Variants in SERINC5 observed in about 807,000 individuals in gnomAD.
SERINC5 encodes the protein serine incorporator 5.
In SERINC5, 41 loss-of-function variants were observed where a neutral mutation model predicts 63.1. The observed-to-expected ratio is 0.65, with a 90% CI of 0.51 to 0.84. The LOEUF is 0.84. Among genes scored for constraint, SERINC5 ranks in the 40% least tolerant of loss-of-function variants. The pLI is 0.00. For synonymous variants in SERINC5, 222 were observed against 215.2 expected (o/e 1.03, Z -0.28); for missense variants, 523 against 573.0 (o/e 0.91, Z 0.89).
chr5:80,153,099 A>C (rs1166972484), intron 8 of SERINC5, among the ~76,000 whole-genome samples: 1 of 152,186 alleles, frequency 6.6e-6, no homozygotes, highest in Non-Finnish European at 1.5e-5. Flanking sequence ...TTTTAAAAAG[A>C]ACTACATTCA....
chr5:80,228,384 G>A (rs1206209601), intron 1 of SERINC5, among the ~76,000 whole-genome samples: 2 of 152,056 alleles, frequency 1.3e-5, no homozygotes, highest in African/African-American at 2.4e-5. Flanking sequence ...ACTGAGTTTG[G>A]CACTTGTAGT....
intron 9 of SERINC5, among the ~76,000 whole-genome samples, chr5:80,149,937 A>G (rs1489817702): frequency 6.6e-6 from 1 of 152,196 alleles, no homozygotes; most frequent in Non-Finnish European, 1.5e-5. Context: ...ACTCTTGCAC[A>G]ATTAAGAAAA....
chr5:80,141,805 A>C lies in SERINC5; in HGVS notation c.*1858T>G, dbSNP rs1004516212. 4 of 985,340 alleles carry C rather than the reference A, an allele frequency of 4.1e-6. No homozygotes were observed. The highest frequency in any genetic ancestry group is 1.2e-4 in the Admixed American group (2 of 16,270). 61.0% of individuals were successfully genotyped at this position (985,340 alleles called of 1,614,324 possible). A position where few individuals can be genotyped will look rare whatever the true frequency, so the allele number is the denominator to read the frequency against. On this transcript the variant is annotated 3_prime_UTR_variant, in exon 12 of 12. Coordinates refer to ENST00000507668, the MANE Select transcript of SERINC5 (RefSeq NM_001174072.3). ...TACAGAGCTCCTGCCCTAAAAAAGG[A>C]AATTTAATGGAATTTACAAAACAAG...
At chr5:80,171,974 T>G (rs900911573) in intron 5 of SERINC5, among the ~76,000 whole-genome samples, 1 of 152,120 alleles carries the variant, frequency 6.6e-6, no homozygotes, top group African/African-American at 2.4e-5. Flanking sequence ...TTGATTACTA[T>G]ATAACATATA....
At chr5:80,217,979 A>G (rs994401281) in intron 1 of SERINC5, among the ~76,000 whole-genome samples, 18 of 152,214 alleles carry the variant, frequency 1.2e-4, no homozygotes, top group African/African-American at 4.1e-4. Context: ...GGAAGGAGCT[A>G]GTAACTCATC....
intron 3 of SERINC5, 26 bp downstream of exon 3, chr5:80,177,860 A>G (rs1175452646): frequency 1.3e-6 from 2 of 1,569,892 alleles, no homozygotes; most frequent in African/African-American, 2.7e-5. Context: ...GGAGAAAGCA[A>G]TCCCCAAGAA....
rs923098240 is a variant in SERINC5 at position 80,142,950 on chromosome 5, A to G, written c.*713T>C. 3 of 985,280 alleles carry G rather than the reference A, an allele frequency of 3.0e-6. No individual in the cohort carries two copies. The African/African-American group carries it at 5.2e-5, about 17-fold the overall frequency. The allele number at this position is 985,280 out of a possible 1,614,324, so 61.0% of individuals were successfully genotyped here. A position where few individuals can be genotyped will look rare whatever the true frequency, so the allele number is the denominator to read the frequency against. On this transcript the variant is annotated 3_prime_UTR_variant, in exon 12 of 12. Transcript: ENST00000507668. ...TCAGGTAGTGATAATAAGGTGGGGA[A>G]CCACCTGGGGGGTGATCAGACAAAT...
intron 1 of SERINC5, among the ~76,000 whole-genome samples, chr5:80,221,420 T>C (rs977962560): frequency 6.6e-6 from 1 of 152,244 alleles, no homozygotes; most frequent in East Asian, 1.9e-4. Context: ...ACGACTTCAA[T>C]ATAACAGATA....
chr5:80,183,773 G>A (rs955068000), intron 2 of SERINC5, among the ~76,000 whole-genome samples: 4 of 151,044 alleles, frequency 2.6e-5, no homozygotes, highest in Non-Finnish European at 5.9e-5. Context: ...CCTATAAAAC[G>A]GCCCCACCCC....
downstream of SERINC5, chr5:80,138,675 A>G: frequency 7.4e-6 from 2 of 271,592 alleles, no homozygotes; most frequent in Non-Finnish European, 1.1e-5. Flanking sequence ...TGCATATGCT[A>G]ATTAGCATGA....
chr5:80,232,100 T>A (rs1463229885), intron 1 of SERINC5, among the ~76,000 whole-genome samples: 1 of 78,148 alleles, frequency 1.3e-5, no homozygotes, highest in East Asian at 3.0e-4. Context: ...AGATTCTGTC[T>A]TAAAAAAAAA....
intron 1 of SERINC5, among the ~76,000 whole-genome samples, chr5:80,207,404 C>T (rs575706629): frequency 5.9e-5 from 9 of 152,124 alleles, no homozygotes; most frequent in Non-Finnish European, 1.3e-4. Flanking sequence ...TAAAACATTC[C>T]CACAGCTGAA....
intron 1 of SERINC5, among the ~76,000 whole-genome samples, chr5:80,252,631 G>T (rs1175275339): frequency 1.3e-5 from 2 of 152,080 alleles, no homozygotes. Context: ...TGATGCAGAT[G>T]GGTAATGGCC....
chr5:80,217,315 T>C (rs909340772), intron 1 of SERINC5, among the ~76,000 whole-genome samples: 7 of 152,320 alleles, frequency 4.6e-5, no homozygotes, highest in African/African-American at 4.8e-5. Context: ...CATTGTGTCA[T>C]GGAGATTATG....
chr5:80,138,681 C>G (rs1745320303), downstream of SERINC5: 1 of 308,200 alleles, frequency 3.2e-6, no homozygotes, highest in African/African-American at 2.3e-5. Flanking sequence ...TGCTAATTAG[C>G]ATGATTTGGC....
chr5:80,197,022 A>G (rs540374876), intron 2 of SERINC5, among the ~76,000 whole-genome samples: 2 of 152,352 alleles, frequency 1.3e-5, no homozygotes, highest in African/African-American at 4.8e-5. Flanking sequence ...GGAATGAAGT[A>G]CATATGCTAC....
At chr5:80,252,754 T>G (rs1055388185) in intron 1 of SERINC5, among the ~76,000 whole-genome samples, 3 of 152,150 alleles carry the variant, frequency 2.0e-5, no homozygotes, top group African/African-American at 7.2e-5. Context: ...CATTCAATAG[T>G]TGAGGTAAAA....
chr5:80,168,525 T>C (rs1747449646), intron 6 of SERINC5, among the ~76,000 whole-genome samples: 1 of 152,146 alleles, frequency 6.6e-6, no homozygotes, highest in Non-Finnish European at 1.5e-5. Flanking sequence ...TAAACCACTA[T>C]TTTAGAAATG....
intron 7 of SERINC5, among the ~76,000 whole-genome samples, chr5:80,163,509 T>C (rs1168191349): frequency 6.6e-6 from 1 of 152,046 alleles, no homozygotes; most frequent in Non-Finnish European, 1.5e-5. Context: ...GTTGTATTCC[T>C]TCTATTATTT....
Sources: allele counts gnomAD v4.1 joint callset (sites outside exome capture counted in the v4.1 genomes callset), GRCh38; gene constraint gnomAD v4.1.1; transcripts MANE v1.5; gene names NCBI Gene and HGNC (gene_info 2026-07-23, HGNC 2026-07-21).